FAF1: variants seen among roughly 807,000 people sequenced by gnomAD.
FAF1 encodes the protein FAS-associated factor 1.
Under a neutral mutation model 92.5 loss-of-function variants are expected in FAF1, and 25 were observed. The ratio of observed to expected loss-of-function variants is 0.27; its 90% CI spans 0.20 to 0.38. The LOEUF (loss-of-function observed/expected upper bound fraction) is 0.38, where lower values mean the gene tolerates loss of function less well. FAF1 is among the 10% of genes least tolerant of loss of function. The probability of loss-of-function intolerance (pLI) is 1.00; values close to 1 mark genes in which losing one functional copy is unlikely to be tolerated. For missense variants in FAF1, 636 were observed against 793.3 expected (o/e 0.80, Z 2.38); for synonymous variants, 234 against 273.2 (o/e 0.86, Z 1.42).
chr1:50,528,733 G>A (rs1249271754), intron 15 of FAF1, among the ~76,000 whole-genome samples: 1 of 152,090 alleles, frequency 6.6e-6, no homozygotes, highest in Non-Finnish European at 1.5e-5. Flanking sequence ...GTTATACAGA[G>A]TGTGCCTGCC....
At chr1:50,831,503 T>C (rs1644152536) in intron 2 of FAF1, among the ~76,000 whole-genome samples, 1 of 152,154 alleles carries the variant, frequency 6.6e-6, no homozygotes, top group Admixed American at 6.5e-5. Flanking sequence ...AAAGAATATA[T>C]CTGCCGTCTT....
intron 1 of FAF1, among the ~76,000 whole-genome samples, chr1:50,896,278 C>T (rs1644757436): frequency 6.6e-6 from 1 of 151,730 alleles, no homozygotes; most frequent in South Asian, 2.1e-4. Context: ...GAGTGAGACC[C>T]TGTCTAAAAA....
chr1:50,929,723 G>C (rs749842324), intron 1 of FAF1, among the ~76,000 whole-genome samples: 1 of 152,146 alleles, frequency 6.6e-6, no homozygotes, highest in Non-Finnish European at 1.5e-5. Flanking sequence ...AATATAGTGG[G>C]AAAAAGATGT....
intron 4 of FAF1, among the ~76,000 whole-genome samples, chr1:50,783,485 G>A (rs1049988204): frequency 2.6e-5 from 4 of 152,134 alleles, no homozygotes; most frequent in Admixed American, 6.5e-5. Context: ...AAATTCAACA[G>A]CACATTGAAA....
At chr1:50,594,013 T>TA (rs1171245381) in intron 9 of FAF1, among the ~76,000 whole-genome samples, 10 of 152,150 alleles carry the variant, frequency 6.6e-5, no homozygotes, top group African/African-American at 9.7e-5. Context: ...TGCTCTGTCT[T>TA]AAAAAATTCT....
At chr1:50,652,464 T>G (rs2124285026) in intron 8 of FAF1, among the ~76,000 whole-genome samples, 1 of 152,320 alleles carries the variant, frequency 6.6e-6, no homozygotes, top group African/African-American at 2.4e-5. Context: ...ATAAGCCAAT[T>G]TCAGTCTGGT....
chr1:50,751,976 T>C (rs1659887034), intron 4 of FAF1, among the ~76,000 whole-genome samples: 1 of 151,648 alleles, frequency 6.6e-6, no homozygotes. Flanking sequence ...TTTGTTTTTG[T>C]TTTTGTTTTT....
rs187396700 is a variant in FAF1, at chr1:50,635,627, T to G, written c.744+19815A>C. 2.3e-4 allele frequency among the ~76,000 whole-genome samples: 35 copies of G among 152,300 alleles called. No individual in the cohort carries two copies. The East Asian group carries it at 6.8e-3, about 29-fold the overall frequency. ...TTTTGATAGAGATGGAGTTTCACCA[T>G]GTTGCCCAGGCTTGTCTCGAACTGC... is the stretch of plus-strand genomic sequence containing the variant. On this transcript the variant is annotated intron_variant, in intron 8 of 18. Transcript: ENST00000396153.
Position 50,536,475 on chromosome 1 carries a change from G to A in FAF1, c.1406-1018C>T, listed in dbSNP as rs998852668. Among the ~76,000 whole-genome samples the A allele has an allele frequency of 1.3e-5, 2 of 152,134 alleles. 1 individual carries two copies. The highest frequency in any genetic ancestry group is 1.3e-4 in the Admixed American group (2 of 15,258). ...AGGACAATAAAGACCAAACATTCTT[G>A]CTGGCATTTTTCCAGAGGGCTTGAC... On this transcript the variant is annotated intron_variant, in intron 14 of 18. Transcript: ENST00000396153.
intron 1 of FAF1, among the ~76,000 whole-genome samples, chr1:50,862,104 GAA>G (rs111669898): frequency 7.0e-6 from 1 of 142,648 alleles, no homozygotes; most frequent in Non-Finnish European, 1.5e-5. Flanking sequence ...AGAAAGCAAC[GAA>G]AAAAAAAAAC....
chr1:50,944,961 AC>A (rs1346818023), intron 1 of FAF1, among the ~76,000 whole-genome samples: 2 of 151,802 alleles, frequency 1.3e-5, no homozygotes, highest in African/African-American at 2.4e-5. Context: ...GGGGACAGCT[AC>A]AATCAGTGGC....
chr1:50,833,407 G>A (rs1198869437), intron 2 of FAF1, among the ~76,000 whole-genome samples: 1 of 151,954 alleles, frequency 6.6e-6, no homozygotes. Flanking sequence ...GTGTGTGGGG[G>A]CGGGTGTGTG....
chr1:50,935,449 T>C (rs936849664), intron 1 of FAF1, among the ~76,000 whole-genome samples: 9 of 143,368 alleles, frequency 6.3e-5, no homozygotes, highest in African/African-American at 2.3e-4. Flanking sequence ...GCATGAGTCA[T>C]CACCCCTGGC....
intron 15 of FAF1, among the ~76,000 whole-genome samples, chr1:50,510,806 A>G (rs916580526): frequency 8.5e-5 from 13 of 152,166 alleles, no homozygotes; most frequent in Non-Finnish European, 1.6e-4. Context: ...ATTTTAATAT[A>G]CTAGTCAGAA....
At chr1:50,948,394 G>C (rs1023023744) in intron 1 of FAF1, among the ~76,000 whole-genome samples, 9 of 152,314 alleles carry the variant, frequency 5.9e-5, no homozygotes, top group Non-Finnish European at 1.2e-4. Context: ...AGGGCCTCAA[G>C]GAGCTTACAA....
chr1:50,495,806 A>G (rs1371629895), intron 15 of FAF1, among the ~76,000 whole-genome samples: 1 of 152,152 alleles, frequency 6.6e-6, no homozygotes, highest in Non-Finnish European at 1.5e-5. Flanking sequence ...AGCCATTTTA[A>G]CTGAGGTGAG....
chr1:50,701,587 T>C (rs940297096), intron 7 of FAF1, among the ~76,000 whole-genome samples: 1 of 152,058 alleles, frequency 6.6e-6, no homozygotes, highest in African/African-American at 2.4e-5. Flanking sequence ...TCAAGCAAGT[T>C]AAGAAAGTAG....
intron 2 of FAF1, among the ~76,000 whole-genome samples, chr1:50,842,913 A>G (rs1010214046): frequency 3.3e-5 from 5 of 152,174 alleles, no homozygotes; most frequent in African/African-American, 1.2e-4. Flanking sequence ...ATAAAATCCA[A>G]TAAGACTGTG....
chr1:50,656,776 G>A (rs1029487518), intron 7 of FAF1, among the ~76,000 whole-genome samples: 5 of 152,078 alleles, frequency 3.3e-5, no homozygotes, highest in South Asian at 2.1e-4. Context: ...CCAGCTACTC[G>A]GGAAGCTGAG....
Sources: allele counts gnomAD v4.1 joint callset (sites outside exome capture counted in the v4.1 genomes callset), GRCh38; gene constraint gnomAD v4.1.1; transcripts MANE v1.5; gene names NCBI Gene and HGNC (gene_info 2026-07-23, HGNC 2026-07-21).